Variants in SERBP1 observed in about 807,000 individuals in gnomAD.
The protein encoded by SERBP1 is SERPINE1 mRNA-binding protein 1.
Under a neutral mutation model 50.2 loss-of-function variants are expected in SERBP1, and 6 were observed. That is an observed-to-expected ratio of 0.12 (90% confidence interval 0.07 to 0.24). The LOEUF is 0.24. Ranked by LOEUF, SERBP1 falls within the 10% of genes least tolerant of loss-of-function variation. The pLI, the probability that SERBP1 is intolerant of heterozygous loss-of-function variation, is 1.00. For missense variants in SERBP1, 346 were observed against 524.9 expected (o/e 0.66, Z 3.33); for synonymous variants, 168 against 182.8 (o/e 0.92, Z 0.65).
chr1:67,429,889 TC>T, intron 1 of SERBP1, 98 bp downstream of exon 1: 1 of 1,317,090 alleles, frequency 7.6e-7, no homozygotes, highest in Non-Finnish European at 1.0e-6. Context: ...CGGCAAAGTC[TC>T]CCGCGGACCC....
rs555563150 is a variant in SERBP1, at chr1:67,409,852, A to T, written c.*3355T>A. The T allele has an allele frequency of 1.4e-4, 21 of 152,308 alleles. No homozygotes were observed. Among genetic ancestry groups the T allele is most frequent in the African/African-American group, 5.0e-4 (21 of 41,586 alleles). 9.4% of individuals were successfully genotyped at this position (152,308 alleles called of 1,614,324 possible). A position where few individuals can be genotyped will look rare whatever the true frequency, so the allele number is the denominator to read the frequency against. On this transcript the variant is annotated 3_prime_UTR_variant, in exon 8 of 8. Coordinates refer to ENST00000361219, the MANE Select transcript of SERBP1 (RefSeq NM_001018069.2). ...CTATGGTCCAGTTCAAATATGTATC[A>T]TTTTACTGCCTTGTTACCAGTTATG...
rs1020998754 is a variant in SERBP1 at position 67,423,461 on chromosome 1, G to C, written c.773+739C>G. Among the ~76,000 whole-genome samples, 11 of 151,942 alleles carry C rather than the reference G, an allele frequency of 7.2e-5. No individual in the cohort carries two copies. In the South Asian group the frequency reaches 1.7e-3, roughly 23 times the overall value. On this transcript the variant is annotated intron_variant, in intron 5 of 7. Transcript: ENST00000361219. ...GTCTCTACTAAAAATACAAAAATTA[G>C]CCGGGCCTGGTGGCAGGCACCTATA...
intron 5 of SERBP1, among the ~76,000 whole-genome samples, chr1:67,423,540 G>A (rs1667273858): frequency 6.6e-6 from 1 of 151,874 alleles, no homozygotes; most frequent in Non-Finnish European, 1.5e-5. Context: ...CCAGGAGGCG[G>A]AGGGTGCAGT....
Position 67,430,358 on chromosome 1 carries a change from A to T in SERBP1, c.-58T>A, listed in dbSNP as rs573302545. Reference sequence around the variant, plus strand: ...TTGCAGCGGGCCGCGCCGAGCCAAGAGCGCCTGCTTCAGCTCTTCCCACAA... The same window carrying T: ...TTGCAGCGGGCCGCGCCGAGCCAAGTGCGCCTGCTTCAGCTCTTCCCACAA... On this transcript the variant is annotated 5_prime_UTR_variant, in exon 1 of 8. Transcript: ENST00000361219. The T allele has an allele frequency of 5.4e-6, 8 of 1,477,800 alleles. No homozygotes were observed. The South Asian group carries it at 8.3e-5, about 15-fold the overall frequency. 91.5% of individuals were successfully genotyped at this position (1,477,800 alleles called of 1,614,324 possible). A position where few individuals can be genotyped will look rare whatever the true frequency, so the allele number is the denominator to read the frequency against.
rs529830079 is a variant in SERBP1 at position 67,422,367 on chromosome 1, C to T, written c.773+1833G>A. Among the ~76,000 whole-genome samples the T allele has an allele frequency of 3.9e-5, 6 of 151,928 alleles. No homozygotes were observed. The East Asian group carries it at 7.8e-4, about 20-fold the overall frequency. ...TCTCTACTAAAAATACAAAATTAGC[C>T]GGGCGTGGTGGCACATGCCTGTAAT... On this transcript the variant is annotated intron_variant, in intron 5 of 7. Coordinates refer to ENST00000361219, the MANE Select transcript of SERBP1 (RefSeq NM_001018069.2).
chr1:67,430,252 A>C lies in SERBP1; in HGVS notation c.49T>G (p.Phe17Val), dbSNP rs753433035. 1 of 1,581,098 alleles carries C rather than the reference A, an allele frequency of 6.3e-7. No individual in the cohort carries two copies. Among genetic ancestry groups the C allele is most frequent in the Admixed American group, 1.9e-5 (1 of 52,250 alleles). Reference sequence around the variant, plus strand: ...GATTCGTCGTCAAATAACTGGTCGAATCGGTTGGTGACCACGCAGCCGAAG... The same window carrying C: ...GATTCGTCGTCAAATAACTGGTCGACTCGGTTGGTGACCACGCAGCCGAAG... The part of the protein sequence containing the change: ...EGFGCVVTNR[F>V]DQLFDDESDP... Residue 17 changes from phenylalanine (F) to valine (V), a missense_variant, in exon 1 of 8, where the codon TTC becomes GTC. Coordinates refer to ENST00000361219, the MANE Select transcript of SERBP1 (RefSeq NM_001018069.2).
chr1:67,429,873 T>G, intron 1 of SERBP1, 115 bp downstream of exon 1: 2 of 1,139,488 alleles, frequency 1.8e-6, no homozygotes, highest in South Asian at 3.0e-5. Flanking sequence ...AACGTGAGGA[T>G]ATAGGCGGCA....
intron 6 of SERBP1, among the ~76,000 whole-genome samples, chr1:67,419,469 C>T (rs1015145534): frequency 6.6e-5 from 10 of 152,158 alleles, no homozygotes; most frequent in African/African-American, 2.4e-4. Context: ...TTAAGTAAAA[C>T]CCACATATAC....
chr1:67,423,510 C>T (rs916056530), intron 5 of SERBP1, among the ~76,000 whole-genome samples: 11 of 148,060 alleles, frequency 7.4e-5, no homozygotes, highest in African/African-American at 2.3e-4. Flanking sequence ...AGGAGGCTGA[C>T]GTGGAAGGAT....
chr1:67,418,758 CA>C (rs59436949), intron 6 of SERBP1, among the ~76,000 whole-genome samples: 92,187 of 147,840 alleles, frequency 0.62, 29,034 homozygotes, highest in Non-Finnish European at 0.69. Context: ...GATTCTGTCT[CA>C]AAAAAAAAAA....
rs1666713722 is a variant in SERBP1 at position 67,408,625 on chromosome 1, C to T, written c.*4582G>A. Reference sequence around the variant, plus strand: ...GGAGCCATTAATTTCTGCCCCAGCTCAACCTATGGAATTTACCTATATGAA... The same window carrying T: ...GGAGCCATTAATTTCTGCCCCAGCTTAACCTATGGAATTTACCTATATGAA... On this transcript the variant is annotated 3_prime_UTR_variant, in exon 8 of 8. Coordinates refer to ENST00000361219, the MANE Select transcript of SERBP1 (RefSeq NM_001018069.2). 6.6e-6 allele frequency: 1 copy of T among 150,852 alleles called. No individual in the cohort carries two copies. The highest frequency in any genetic ancestry group is 1.5e-5 in the Non-Finnish European group (1 of 67,832). The allele number at this position is 150,852 out of a possible 1,614,324, so 9.3% of individuals were successfully genotyped here.
At chr1:67,426,557 T>C (rs980956252) in intron 1 of SERBP1, among the ~76,000 whole-genome samples, 3 of 152,196 alleles carry the variant, frequency 2.0e-5, no homozygotes, top group African/African-American at 7.2e-5. Flanking sequence ...GTTTGCCAAG[T>C]TCTCCCCCTC....
At position 67,414,600 on chromosome 1, in the gene SERBP1, G is replaced by A. The variant is rs1052345649; in HGVS notation, c.1125+566C>T. Among the ~76,000 whole-genome samples the A allele has an allele frequency of 2.0e-5, 3 of 152,132 alleles. No individual in the cohort carries two copies. In the South Asian group the frequency reaches 6.2e-4, roughly 31 times the overall value. ...AAATATTTCTCTAAGAACTTGTTTTGTGCCACATACTGTTCAAGGCATTGG... is the reference window on the plus strand; with the variant it reads ...AAATATTTCTCTAAGAACTTGTTTTATGCCACATACTGTTCAAGGCATTGG... On this transcript the variant is annotated intron_variant, in intron 7 of 7. Coordinates refer to ENST00000361219, the MANE Select transcript of SERBP1 (RefSeq NM_001018069.2).
At chr1:67,425,734 A>C (rs1454903795) in intron 2 of SERBP1, among the ~76,000 whole-genome samples, 1 of 152,264 alleles carries the variant, frequency 6.6e-6, no homozygotes, top group Non-Finnish European at 1.5e-5. Context: ...CAATGCACAC[A>C]TACAGATGTT....
At chr1:67,429,256 G>C (rs574553261) in intron 1 of SERBP1, among the ~76,000 whole-genome samples, 2 of 152,306 alleles carry the variant, frequency 1.3e-5, no homozygotes, top group East Asian at 3.9e-4. Flanking sequence ...GTGACTCGAG[G>C]ACGTTCCTCG....
At chr1:67,428,610 T>C (rs375523744) in intron 1 of SERBP1, among the ~76,000 whole-genome samples, 11 of 152,180 alleles carry the variant, frequency 7.2e-5, no homozygotes, top group Non-Finnish European at 1.2e-4. Flanking sequence ...CTAAGTGATA[T>C]ACATGCTTTC....
rs1451128422 is a variant in SERBP1 at position 67,409,008 on chromosome 1, T to A, written c.*4199A>T. On this transcript the variant is annotated 3_prime_UTR_variant, in exon 8 of 8. Coordinates refer to ENST00000361219, the MANE Select transcript of SERBP1 (RefSeq NM_001018069.2). The stretch of plus-strand genomic sequence containing the variant: ...TCACCCAGACTGGAGTACAGTGCTA[T>A]GATCTTGGCTCACTGCAACCCCCAC... 1 of 152,200 alleles carries A rather than the reference T, an allele frequency of 6.6e-6. No individual in the cohort carries two copies. The highest frequency in any genetic ancestry group is 6.5e-5 in the Admixed American group (1 of 15,272). 9.4% of individuals were successfully genotyped at this position (152,200 alleles called of 1,614,324 possible).
intron 6 of SERBP1, chr1:67,417,306 G>C (rs1035264552): frequency 1.3e-5 from 2 of 152,106 alleles, no homozygotes. Context: ...ACTGTAAATT[G>C]TTCTATATTT....
intron 7 of SERBP1, 22 bp downstream of exon 7, chr1:67,415,144 G>A (rs777177185): frequency 1.7e-5 from 27 of 1,551,098 alleles, no homozygotes; most frequent in Non-Finnish European, 2.3e-5. Flanking sequence ...TTATGTAAAA[G>A]GAAAAGAAAG....
Sources: gnomAD v4.1 joint callset for allele counts (sites outside exome capture counted in the v4.1 genomes callset) on GRCh38, gnomAD v4.1.1 for gene constraint, MANE v1.5 for transcripts, NCBI Gene and HGNC (gene_info 2026-07-23, HGNC 2026-07-21) for gene names.